MGAT4C: variants seen among roughly 807,000 people sequenced by gnomAD.
MGAT4C encodes alpha-1,3-mannosyl-glycoprotein 4-beta-N-acetylglucosaminyltransferase C.
A neutral mutation model predicts 40.1 loss-of-function variants in MGAT4C; 19 were observed. That is an observed-to-expected ratio of 0.47 (90% confidence interval 0.33 to 0.70). The LOEUF is 0.70. Ranked by LOEUF, MGAT4C falls within the 30% of genes least tolerant of loss-of-function variation. MGAT4C has a pLI of 0.02. For missense variants in MGAT4C, 491 were observed against 563.2 expected (o/e 0.87, Z 1.30); for synonymous variants, 181 against 187.1 (o/e 0.97, Z 0.27).
At chr12:86,117,630 C>T (rs551937733) in intron 1 of MGAT4C, among the ~76,000 whole-genome samples, 3 of 152,208 alleles carry the variant, frequency 2.0e-5, no homozygotes, top group Non-Finnish European at 1.5e-5. Flanking sequence ...AATAAAACTC[C>T]TTTCACCAAA....
intron 2 of MGAT4C, among the ~76,000 whole-genome samples, chr12:86,707,914 G>C (rs1210749353): frequency 6.6e-6 from 1 of 152,210 alleles, no homozygotes; most frequent in Non-Finnish European, 1.5e-5. Flanking sequence ...AAGGGAAGCA[G>C]AGCAGAAAAG....
At chr12:86,736,508 C>G (rs961634358) in intron 1 of MGAT4C, among the ~76,000 whole-genome samples, 1 of 151,598 alleles carries the variant, frequency 6.6e-6, no homozygotes, top group Admixed American at 6.6e-5. Flanking sequence ...ACTAAATCAC[C>G]CCAACAATGA....
chr12:86,274,747 T>C (rs1953027967), intron 4 of MGAT4C, among the ~76,000 whole-genome samples: 1 of 152,242 alleles, frequency 6.6e-6, no homozygotes, highest in South Asian at 2.1e-4. Flanking sequence ...GGAGTCATTC[T>C]ATTACATTAA....
At chr12:86,064,533 C>T (rs61931136) in intron 1 of MGAT4C, among the ~76,000 whole-genome samples, 10,872 of 152,180 alleles carry the variant, frequency 0.071, 546 homozygotes, top group Middle Eastern at 0.24. Context: ...AAAGACACAA[C>T]GTACCAGAAT....
chr12:86,214,075 C>A (rs1238769673), intron 1 of MGAT4C, among the ~76,000 whole-genome samples: 1 of 152,198 alleles, frequency 6.6e-6, no homozygotes, highest in African/African-American at 2.4e-5. Flanking sequence ...TCTATATCAT[C>A]TTTTCTTGAG....
chr12:86,244,152 C>T (rs1353961432), intron 1 of MGAT4C, among the ~76,000 whole-genome samples: 1 of 152,208 alleles, frequency 6.6e-6, no homozygotes, highest in Non-Finnish European at 1.5e-5. Context: ...ACATAAGCAA[C>T]ACACATCCTG....
At chr12:86,663,878 G>A (rs1291823078) in intron 2 of MGAT4C, among the ~76,000 whole-genome samples, 1 of 152,078 alleles carries the variant, frequency 6.6e-6, no homozygotes, top group Non-Finnish European at 1.5e-5. Flanking sequence ...TATGCTTGTG[G>A]GCAAAGAATT....
chr12:86,433,018 A>T (rs976067114), intron 3 of MGAT4C, among the ~76,000 whole-genome samples: 1 of 152,044 alleles, frequency 6.6e-6, no homozygotes, highest in African/African-American at 2.4e-5. Context: ...TGAGCCACAC[A>T]GTTCAGTTAG....
chr12:86,728,058 T>G (rs1950852593), intron 1 of MGAT4C, among the ~76,000 whole-genome samples: 1 of 152,212 alleles, frequency 6.6e-6, no homozygotes, highest in African/African-American at 2.4e-5. Context: ...AAATAAGTTT[T>G]ATTCAGATAA....
chr12:86,226,787 CAA>C (rs572010841), intron 1 of MGAT4C, among the ~76,000 whole-genome samples: 75 of 151,980 alleles, frequency 4.9e-4, no homozygotes, highest in Admixed American at 3.2e-3. Context: ...TCAGCGTTGT[CAA>C]AAGTTTTTAA....
chr12:86,320,540 G>T (rs1186863243), intron 4 of MGAT4C, among the ~76,000 whole-genome samples: 1 of 152,090 alleles, frequency 6.6e-6, no homozygotes, highest in Non-Finnish European at 1.5e-5. Flanking sequence ...TGTGCCAAAT[G>T]CTTTTCAAAC....
intron 3 of MGAT4C, among the ~76,000 whole-genome samples, chr12:86,347,058 C>T (rs1194411459): frequency 1.3e-5 from 2 of 152,112 alleles, no homozygotes; most frequent in African/African-American, 4.8e-5. Flanking sequence ...GTCGGCTTCC[C>T]TAGTTTTGAA....
intron 2 of MGAT4C, among the ~76,000 whole-genome samples, chr12:86,622,752 A>G (rs1192217374): frequency 1.3e-5 from 2 of 152,160 alleles, no homozygotes; most frequent in Non-Finnish European, 2.9e-5. Context: ...GCACCCAATA[A>G]AATATTTCTA....
chr12:86,598,365 T>C (rs1961622216), intron 2 of MGAT4C, among the ~76,000 whole-genome samples: 1 of 152,134 alleles, frequency 6.6e-6, no homozygotes, highest in African/African-American at 2.4e-5. Flanking sequence ...ATATATATGT[T>C]TGTGTATAGA....
intron 2 of MGAT4C, among the ~76,000 whole-genome samples, chr12:86,024,643 G>C (rs1315638311): frequency 1.3e-5 from 2 of 151,662 alleles, no homozygotes; most frequent in Admixed American, 1.3e-4. Context: ...TTAACTCAAG[G>C]TGGTAATTCA....
At chr12:86,587,655 G>T (rs1593016067) in intron 2 of MGAT4C, among the ~76,000 whole-genome samples, 1 of 151,940 alleles carries the variant, frequency 6.6e-6, no homozygotes, top group African/African-American at 2.4e-5. Context: ...CCTTGAAGAG[G>T]TCCTTCATGT....
At chr12:86,421,418 AT>A (rs1277406455) in intron 3 of MGAT4C, among the ~76,000 whole-genome samples, 22 of 152,150 alleles carry the variant, frequency 1.4e-4, no homozygotes, top group African/African-American at 5.3e-4. Context: ...TTTTCCAGAA[AT>A]ATATTTTTTC....
At chr12:86,422,149 T>C (rs939875069) in intron 3 of MGAT4C, among the ~76,000 whole-genome samples, 7 of 152,154 alleles carry the variant, frequency 4.6e-5, no homozygotes, top group African/African-American at 1.7e-4. Flanking sequence ...AAAATGGAGA[T>C]AGCATTAATA....
At chr12:86,060,978 C>T (rs1443170063) in intron 1 of MGAT4C, among the ~76,000 whole-genome samples, 1 of 152,038 alleles carries the variant, frequency 6.6e-6, no homozygotes, top group African/African-American at 2.4e-5. Context: ...GTTTTTTCAT[C>T]CCCAATATGG....
Sources: allele counts gnomAD v4.1 joint callset (sites outside exome capture counted in the v4.1 genomes callset), GRCh38; gene constraint gnomAD v4.1.1; transcripts MANE v1.5; gene names NCBI Gene and HGNC (gene_info 2026-07-23, HGNC 2026-07-21).